The following CAP2 variants were observed in gnomAD, a reference collection of about 807,000 sequenced individuals.
CAP2 encodes the protein cyclase associated actin cytoskeleton regulatory protein 2, also known as adenylyl cyclase-associated protein 2.
In CAP2, 24 loss-of-function variants were observed where a neutral mutation model predicts 57.7. That is an observed-to-expected ratio of 0.42 (90% CI 0.30 to 0.58). The LOEUF is 0.58. Among genes scored for constraint, CAP2 ranks in the 20% least tolerant of loss-of-function variants. The probability of loss-of-function intolerance (pLI) is 0.22; values close to 1 mark genes in which losing one functional copy is unlikely to be tolerated. For missense variants in CAP2, 501 were observed against 590.3 expected, an observed-to-expected ratio of 0.85 and a Z score of 1.57; for synonymous variants, 194 against 207.2, an observed-to-expected ratio of 0.94 and a Z score of 0.55.
chr6:17,499,560 C>G (rs1365827318), intron 4 of CAP2, among the ~76,000 whole-genome samples: 3 of 151,160 alleles, frequency 2.0e-5, no homozygotes, highest in African/African-American at 7.3e-5. Context: ...ATAATATAAG[C>G]AAATATAGCT....
chr6:17,541,272 G>T, intron 9 of CAP2, 124 bp downstream of exon 9: 1 of 680,332 alleles, frequency 1.5e-6, no homozygotes, highest in Non-Finnish European at 2.4e-6. Flanking sequence ...CATAACATTT[G>T]TATATATTTA....
intron 4 of CAP2, among the ~76,000 whole-genome samples, chr6:17,467,759 G>A (rs1420149836): frequency 6.6e-6 from 1 of 152,080 alleles, no homozygotes; most frequent in African/African-American, 2.4e-5. Flanking sequence ...TCCTGAACTC[G>A]TGATCCGCCC....
chr6:17,470,134 C>T (rs1025989687), intron 4 of CAP2, among the ~76,000 whole-genome samples: 2 of 152,110 alleles, frequency 1.3e-5, no homozygotes, highest in African/African-American at 4.8e-5. Context: ...GCGAGAAAAA[C>T]GAATTCATCT....
chr6:17,448,906 C>G (rs1760333222), intron 3 of CAP2, among the ~76,000 whole-genome samples: 1 of 152,048 alleles, frequency 6.6e-6, no homozygotes, highest in South Asian at 2.1e-4. Context: ...GGATTACAGA[C>G]ACCCACCACC....
intron 2 of CAP2, among the ~76,000 whole-genome samples, chr6:17,426,253 G>A (rs1759588661): frequency 7.2e-6 from 1 of 139,582 alleles, no homozygotes; most frequent in Non-Finnish European, 1.5e-5. Context: ...TTTTTCTTGA[G>A]ATGGAGTCTT....
chr6:17,417,638 A>G (rs964602702), intron 1 of CAP2, among the ~76,000 whole-genome samples: 2 of 151,998 alleles, frequency 1.3e-5, no homozygotes, highest in African/African-American at 2.4e-5. Flanking sequence ...TTTTTTCCCC[A>G]CACACACTCA....
In CAP2 at chr6:17,556,595, G is replaced by A. The variant is rs562920610; in HGVS notation, c.*153G>A. ...ATAGATACAGCACTGTTTCTGGCAC[G>A]CCTCGTGGGCATTTTGAAATATTTA... is the stretch of plus-strand genomic sequence containing the variant. On this transcript the variant is annotated 3_prime_UTR_variant, in exon 13 of 13. Coordinates refer to ENST00000229922, the MANE Select transcript of CAP2 (RefSeq NM_006366.3). 44 of 572,932 alleles carry A rather than the reference G, an allele frequency of 7.7e-5. 1 individual carries two copies. Among genetic ancestry groups the A allele is most frequent in the East Asian group, 5.6e-4 (20 of 36,030 alleles). 35.5% of individuals were successfully genotyped at this position (572,932 alleles called of 1,614,324 possible).
Position 17,531,547 on chromosome 6 carries a change from C to G in CAP2, c.637-7722C>G, listed in dbSNP as rs189149898. On this transcript the variant is annotated intron_variant, in intron 7 of 12. Coordinates refer to ENST00000229922, the MANE Select transcript of CAP2 (RefSeq NM_006366.3). Reference sequence around the variant, plus strand: ...TTTGGACAAACTTCTTTCTCAGGTGCTTGATCTTCAGCTCTGCGAAATTCC... The same window carrying G: ...TTTGGACAAACTTCTTTCTCAGGTGGTTGATCTTCAGCTCTGCGAAATTCC... The G allele has an allele frequency of 7.7e-4, 1,189 of 1,542,648 alleles. 1 individual carries two copies. Among genetic ancestry groups the G allele is most frequent in the Middle Eastern group, 1.4e-3 (8 of 5,542 alleles).
At chr6:17,433,151 T>G (rs1055988315) in intron 3 of CAP2, among the ~76,000 whole-genome samples, 13 of 152,078 alleles carry the variant, frequency 8.5e-5, no homozygotes, top group African/African-American at 2.9e-4. Flanking sequence ...GGCACCTACT[T>G]TAACCTGCAG....
intron 1 of CAP2, among the ~76,000 whole-genome samples, chr6:17,412,135 T>C (rs1759155716): frequency 6.6e-6 from 1 of 152,016 alleles, no homozygotes; most frequent in Admixed American, 6.6e-5. Flanking sequence ...GGATTCGAGA[T>C]GTACTTAGCC....
chr6:17,503,462 G>A (rs555535476), intron 4 of CAP2, among the ~76,000 whole-genome samples: 52 of 152,168 alleles, frequency 3.4e-4, no homozygotes, highest in African/African-American at 1.3e-3. Flanking sequence ...AAATTAGCTG[G>A]GTGTGGTGGC....
intron 1 of CAP2, among the ~76,000 whole-genome samples, chr6:17,417,083 T>C (rs1759297688): frequency 6.6e-6 from 1 of 151,002 alleles, no homozygotes; most frequent in African/African-American, 2.4e-5. Flanking sequence ...TGAGAAACAG[T>C]GAGACTCTGT....
At chr6:17,425,543 C>T (rs1247846686) in intron 2 of CAP2, among the ~76,000 whole-genome samples, 2 of 152,098 alleles carry the variant, frequency 1.3e-5, no homozygotes, top group African/African-American at 2.4e-5. Flanking sequence ...CATTATAGCA[C>T]CTGAGCAGGT....
At chr6:17,422,945 G>T (rs1759486129) in intron 2 of CAP2, among the ~76,000 whole-genome samples, 1 of 151,962 alleles carries the variant, frequency 6.6e-6, no homozygotes, top group Non-Finnish European at 1.5e-5. Context: ...ATACTGCATG[G>T]GCTATACTGC....
chr6:17,396,993 A>G (rs1471074966), intron 1 of CAP2, among the ~76,000 whole-genome samples: 1 of 152,068 alleles, frequency 6.6e-6, no homozygotes, highest in Non-Finnish European at 1.5e-5. Context: ...GTTTTATCAC[A>G]TGTGTATGTA....
intron 3 of CAP2, among the ~76,000 whole-genome samples, chr6:17,453,353 T>G (rs1471323459): frequency 6.6e-6 from 1 of 152,204 alleles, no homozygotes; most frequent in Non-Finnish European, 1.5e-5. Flanking sequence ...TTTCCATTAT[T>G]GATTTGTTGC....
chr6:17,398,467 A>G (rs1758724796), intron 1 of CAP2, among the ~76,000 whole-genome samples: 1 of 152,090 alleles, frequency 6.6e-6, no homozygotes, highest in Non-Finnish European at 1.5e-5. Flanking sequence ...ACAAACCATT[A>G]TGAGGAATTT....
At chr6:17,451,231 CA>C (rs35633911) in intron 3 of CAP2, among the ~76,000 whole-genome samples, 79,191 of 146,488 alleles carry the variant, frequency 0.54, 21,068 homozygotes, top group East Asian at 0.84. Context: ...ATCTTCTATC[CA>C]AAAAAAAAAA....
In CAP2 at chr6:17,411,478, A is replaced by G. The variant is rs1038230280; in HGVS notation, c.-1-10077A>G. 4.6e-5 allele frequency among the ~76,000 whole-genome samples: 7 copies of G among 152,280 alleles called. No individual in the cohort carries two copies. The South Asian group carries it at 1.5e-3, about 32-fold the overall frequency. On this transcript the variant is annotated intron_variant, in intron 1 of 12. Transcript: ENST00000229922. Reference sequence around the variant, plus strand: ...TTTATTATCTGTCTTTTAGGTTATAACCATACTAGTGTGTGTGAAGTGGTA... The same window carrying G: ...TTTATTATCTGTCTTTTAGGTTATAGCCATACTAGTGTGTGTGAAGTGGTA...
Sources: allele counts gnomAD v4.1 joint callset (sites outside exome capture counted in the v4.1 genomes callset), GRCh38; gene constraint gnomAD v4.1.1; transcripts MANE v1.5; gene names NCBI Gene and HGNC (gene_info 2026-07-23, HGNC 2026-07-21).